ACHE: variants seen among roughly 807,000 people sequenced by gnomAD.
ACHE encodes acetylcholinesterase.
A neutral mutation model predicts 53.9 loss-of-function variants in ACHE; 19 were observed. The ratio of observed to expected loss-of-function variants is 0.35; its 90% CI spans 0.25 to 0.52. ACHE has a LOEUF of 0.52. Ranked by LOEUF, ACHE falls within the 20% of genes least tolerant of loss-of-function variation. The probability of loss-of-function intolerance (pLI) is 0.95; values close to 1 mark genes in which losing one functional copy is unlikely to be tolerated. For synonymous variants in ACHE, 392 were observed against 378.1 expected, an observed-to-expected ratio of 1.04 and a Z score of -0.43; for missense variants, 605 against 849.4, an observed-to-expected ratio of 0.71 and a Z score of 3.58.
rs556676959 is a variant in ACHE at position 100,893,681 on chromosome 7, C to T, written c.552G>A (p.Val184=). ...RTVLVSMNYR[V]GAFGFLALPG... The stretch of plus-strand genomic sequence containing the variant: ...GCAGGGCCAGGAAGCCAAAGGCTCC[C>T]ACCCGGTAGTTCATGGACACCAGCA... The change falls in exon 2 of 5, where the codon GTG becomes GTA. Residue 184 remains valine, a synonymous_variant. Coordinates refer to ENST00000241069, the MANE Select transcript of ACHE (RefSeq NM_000665.5). 2.9e-5 allele frequency: 46 copies of T among 1,613,382 alleles called. 2 individuals are homozygous for T. The South Asian group carries it at 4.4e-4, about 15-fold the overall frequency.
intron 1 of ACHE, among the ~76,000 whole-genome samples, chr7:100,895,189 A>G (rs1263086919): frequency 6.6e-6 from 1 of 151,776 alleles, no homozygotes; most frequent in Non-Finnish European, 1.5e-5. Context: ...AAGGATCAAA[A>G]TTCCCCGGGT....
chr7:100,893,134 G>T, intron 2 of ACHE, 31 bp downstream of exon 2: 1 of 1,605,262 alleles, frequency 6.2e-7, no homozygotes, highest in Non-Finnish European at 8.5e-7. Context: ...ACCCAGAGGA[G>T]CCAGCTTCAC....
chr7:100,890,812 CCCT>C, intron 4 of ACHE: 5 of 1,364,782 alleles, frequency 3.7e-6, no homozygotes, highest in African/African-American at 2.9e-5. Context: ...AGGCACGGCC[CCCT>C]CCTCCTGCCC....
At chr7:100,890,647 C>T in intron 4 of ACHE, 2 of 1,373,690 alleles carry the variant, frequency 1.5e-6, no homozygotes, top group Admixed American at 3.2e-5. Flanking sequence ...AATGGTTGAC[C>T]GTTATAGCCC....
In ACHE at chr7:100,891,235, G is replaced by T; in HGVS notation, c.1657C>A (p.Arg553=). ...SLDLRPLEVR[R]GLRAQACAFW... ...GCGCAGGCCTGGGCGCGCAGCCCCC[G>T]CCGCACCTCCAGCGGCCGCAGGTCC... The change falls in exon 4 of 5, where the codon CGG becomes AGG. Residue 553 remains arginine (R), a synonymous_variant. Coordinates refer to ENST00000241069, the MANE Select transcript of ACHE (RefSeq NM_000665.5). 2 of 1,611,404 alleles carry T rather than the reference G, an allele frequency of 1.2e-6. No individual in the cohort carries two copies. The highest frequency in any genetic ancestry group is 1.7e-6 in the Non-Finnish European group (2 of 1,179,620).
At chr7:100,894,334 G>A in intron 1 of ACHE, 82 bp from the exon 2 acceptor site, 1 of 1,016,766 alleles carries the variant, frequency 9.8e-7, no homozygotes, top group East Asian at 3.0e-5. Context: ...TCGGCCCAAG[G>A]GTTATCGCTC....
In ACHE at chr7:100,893,299, G is replaced by A; in HGVS notation, c.934C>T (p.Leu312=). Residue 312 remains leucine, a synonymous_variant, in exon 2 of 5, where the codon CTG becomes TTG. Transcript: ENST00000241069. The part of the protein sequence containing the change: ...ACLRTRPAQV[L]VNHEWHVLPQ... ...AGCACGTGCCATTCGTGGTTCACCAGGACCTGCGCTGGTCGTGTCCGAAGG... is the reference window on the plus strand; with the variant it reads ...AGCACGTGCCATTCGTGGTTCACCAAGACCTGCGCTGGTCGTGTCCGAAGG... 1.2e-6 allele frequency: 2 copies of A among 1,613,996 alleles called. No individual in the cohort carries two copies. Among genetic ancestry groups the A allele is most frequent in the Non-Finnish European group, 1.7e-6 (2 of 1,180,012 alleles).
Position 100,891,202 on chromosome 7 carries a change from T to C in ACHE, c.1690A>G (p.Asn564Asp). ...CTGAGCAATTTGGGGAGGAAGCGGT[T>C]CCAGAAGGCGCAGGCCTGGGCGCGC... ...GLRAQACAFW[N>D]RFLPKLLSAT... Residue 564 changes from asparagine (N) to aspartate (D), a missense_variant, in exon 4 of 5, where the codon AAC becomes GAC. Physicochemically the swap from Asn to Asp is conservative, Grantham distance 23 (BLOSUM62 1). Transcript: ENST00000241069. The C allele has an allele frequency of 1.2e-6, 2 of 1,609,832 alleles. No individual in the cohort carries two copies. The highest frequency in any genetic ancestry group is 1.7e-6 in the Non-Finnish European group (2 of 1,179,098).
chr7:100,895,467 G>A (rs1418602892), intron 1 of ACHE, among the ~76,000 whole-genome samples: 1 of 152,194 alleles, frequency 6.6e-6, no homozygotes, highest in Non-Finnish European at 1.5e-5. Flanking sequence ...CCGGCGCCGG[G>A]AACCTGCGCA....
chr7:100,890,125 C>T lies in ACHE; in HGVS notation c.*89G>A. The T allele has an allele frequency of 1.3e-6, 2 of 1,517,828 alleles. No homozygotes were observed. The highest frequency in any genetic ancestry group is 1.8e-6 in the Non-Finnish European group (2 of 1,120,530). The allele number at this position is 1,517,828 out of a possible 1,614,324, so 94.0% of individuals were successfully genotyped here. On this transcript the variant is annotated 3_prime_UTR_variant, in exon 5 of 5. Coordinates refer to ENST00000241069, the MANE Select transcript of ACHE (RefSeq NM_000665.5). Reference sequence around the variant, plus strand: ...GGGTGGGGATGGGCAGAGTCTGGGGCTCGTCTGTGTTATAGCCCAGCCCTG... The same window carrying T: ...GGGTGGGGATGGGCAGAGTCTGGGGTTCGTCTGTGTTATAGCCCAGCCCTG...
intron 3 of ACHE, among the ~76,000 whole-genome samples, 176 bp from the exon 4 acceptor site, chr7:100,891,514 G>A (rs1414175654): frequency 1.3e-5 from 2 of 151,892 alleles, no homozygotes; most frequent in Admixed American, 6.5e-5. Flanking sequence ...CAAGCGCTCC[G>A]TCTCCTTCCG....
upstream of ACHE, chr7:100,896,923 G>A (rs939569287): frequency 2.0e-5 from 3 of 152,452 alleles, no homozygotes; most frequent in Non-Finnish European, 2.9e-5. Flanking sequence ...GCTTCCTGGA[G>A]GCGGCCGGCT....
Position 100,893,822 on chromosome 7 carries a change from G to C in ACHE, c.411C>G (p.Pro137=), listed in dbSNP as rs1178945968. 2 of 1,613,308 alleles carry C rather than the reference G, an allele frequency of 1.2e-6. No individual in the cohort carries two copies. Among genetic ancestry groups the C allele is most frequent in the Non-Finnish European group, 1.7e-6 (2 of 1,179,736 alleles). ...GGACAGGGGTGGGGGATGTAGGCCG[G>C]GGGTATGGTGTCCACACGTTGAGGT... ...CLYLNVWTPY[P]RPTSPTPVLV... The change falls in exon 2 of 5, where the codon CCC becomes CCG. Residue 137 remains proline, a synonymous_variant. Transcript: ENST00000241069.
Position 100,893,687 on chromosome 7 carries a change from G to A in ACHE, c.546C>T (p.Tyr182=), listed in dbSNP as rs1790838277. 2 of 1,613,246 alleles carry A rather than the reference G, an allele frequency of 1.2e-6. No homozygotes were observed. Among genetic ancestry groups the A allele is most frequent in the Non-Finnish European group, 1.7e-6 (2 of 1,180,022 alleles). Residue 182 remains tyrosine, a synonymous_variant, in exon 2 of 5, where the codon TAC becomes TAT. Transcript: ENST00000241069. ...CCAGGAAGCCAAAGGCTCCCACCCG[G>A]TAGTTCATGGACACCAGCACAGTCC... ...AERTVLVSMN[Y]RVGAFGFLAL...
At chr7:100,894,937 A>C (rs1790954937) in intron 1 of ACHE, among the ~76,000 whole-genome samples, 1 of 151,940 alleles carries the variant, frequency 6.6e-6, no homozygotes, top group Non-Finnish European at 1.5e-5. Flanking sequence ...CATCCGTCTG[A>C]AGCTGCCGTG....
chr7:100,895,262 T>A (rs1790978260), intron 1 of ACHE, among the ~76,000 whole-genome samples: 1 of 151,320 alleles, frequency 6.6e-6, no homozygotes, highest in Non-Finnish European at 1.5e-5. Flanking sequence ...GAGCGGGGGG[T>A]GGTGGTGCTG....
rs754163923 is a variant in ACHE, at chr7:100,891,283, C to T, written c.1609G>A (p.Gly537Arg). Reference protein sequence around the residue: ...KAPQWPPYTAGAQQYVSLDLR... With the variant: ...KAPQWPPYTARAQQYVSLDLR... ...TCCAGACTAACGTACTGCTGAGCCCCCGCCGTGTACGGGGGCCATTGTGGG... is the reference window on the plus strand; with the variant it reads ...TCCAGACTAACGTACTGCTGAGCCCTCGCCGTGTACGGGGGCCATTGTGGG... The change falls in exon 4 of 5, where the codon GGG becomes AGG. Residue 537 changes from glycine (G) to arginine (R), a missense_variant. Physicochemically the swap from Gly to Arg is moderately radical, Grantham distance 125 (BLOSUM62 -2). Coordinates refer to ENST00000241069, the MANE Select transcript of ACHE (RefSeq NM_000665.5). 2 of 1,605,408 alleles carry T rather than the reference C, an allele frequency of 1.2e-6. No individual in the cohort carries two copies. The highest frequency in any genetic ancestry group is 1.3e-5 in the African/African-American group (1 of 74,738).
At position 100,894,212 on chromosome 7, in the gene ACHE, C is replaced by T. The variant is rs774069533; in HGVS notation, c.21G>A (p.Leu7=). 5 of 1,460,634 alleles carry T rather than the reference C, an allele frequency of 3.4e-6. No individual in the cohort carries two copies. Among genetic ancestry groups the T allele is most frequent in the Non-Finnish European group, 3.6e-6 (4 of 1,111,984 alleles). The allele number at this position is 1,460,634 out of a possible 1,614,324, so 90.5% of individuals were successfully genotyped here. The change falls in exon 2 of 5, where the codon CTG becomes CTA. Residue 7 remains leucine, a synonymous_variant. Coordinates refer to ENST00000241069, the MANE Select transcript of ACHE (RefSeq NM_000665.5). ...GGGAAGCCAGGGAAGGCGTGTGCAGCAGACACTGCGGGGGCCTCATGGCTG... is the reference window on the plus strand; with the variant it reads ...GGGAAGCCAGGGAAGGCGTGTGCAGTAGACACTGCGGGGGCCTCATGGCTG... MRPPQC[L]LHTPSLASPL...
At position 100,890,016 on chromosome 7, in the gene ACHE, G is replaced by C; in HGVS notation, c.*198C>G. On this transcript the variant is annotated 3_prime_UTR_variant, in exon 5 of 5. Transcript: ENST00000241069. ...CCGTGGCTGTAACAGTTTATTGGCA[G>C]CCCAGAGGGGCGAAGGCACCGCGGG... 3.4e-6 allele frequency: 2 copies of C among 592,702 alleles called. No individual in the cohort carries two copies. The highest frequency in any genetic ancestry group is 4.5e-5 in the South Asian group (2 of 44,768). The allele number at this position is 592,702 out of a possible 1,614,324, so 36.7% of individuals were successfully genotyped here. A position where few individuals can be genotyped will look rare whatever the true frequency, so the allele number is the denominator to read the frequency against.
Sources: allele counts gnomAD v4.1 joint callset (sites outside exome capture counted in the v4.1 genomes callset), GRCh38; gene constraint gnomAD v4.1.1; transcripts MANE v1.5; gene names NCBI Gene and HGNC (gene_info 2026-07-23, HGNC 2026-07-21).